The following MTMR2 variants were observed in gnomAD, a reference collection of about 807,000 sequenced individuals.
MTMR2 encodes myotubularin related protein 2, also known as phosphatidylinositol-3,5-bisphosphate 3-phosphatase MTMR2.
A neutral mutation model predicts 86.9 loss-of-function variants in MTMR2; 55 were observed. The ratio of observed to expected loss-of-function variants is 0.63; its 90% confidence interval spans 0.51 to 0.79. The LOEUF is 0.79. MTMR2 is among the 30% of genes least tolerant of loss of function. The pLI, the probability that MTMR2 is intolerant of heterozygous loss-of-function variation, is 0.00. For synonymous variants in MTMR2, 241 were observed against 266.8 expected (o/e 0.90, Z 0.94); for missense variants, 659 against 772.3 (o/e 0.85, Z 1.74).
intron 2 of MTMR2, among the ~76,000 whole-genome samples, chr11:95,877,353 T>C (rs2135520597): frequency 6.9e-6 from 1 of 144,492 alleles, no homozygotes; most frequent in Non-Finnish European, 1.5e-5. Flanking sequence ...TTTTTTTTTT[T>C]TTTTTTTTTT....
chr11:95,834,849 T>G lies in MTMR2; in HGVS notation c.*441A>C, dbSNP rs1590967208. ...AATGGAGAAAGGGATATCAAATGAT[T>G]TTGATCTGTCATGACATCAAGGCCC... is the stretch of plus-strand genomic sequence containing the variant. On this transcript the variant is annotated 3_prime_UTR_variant, in exon 15 of 15. Coordinates refer to ENST00000346299, the MANE Select transcript of MTMR2 (RefSeq NM_016156.6). The G allele has an allele frequency of 5.7e-6, 1 of 175,258 alleles. No homozygotes were observed. Among genetic ancestry groups the G allele is most frequent in the East Asian group, 1.4e-4 (1 of 7,074 alleles). 10.9% of individuals were successfully genotyped at this position (175,258 alleles called of 1,614,324 possible).
At position 95,847,711 on chromosome 11, in the gene MTMR2, C is replaced by T. The variant is rs754494874; in HGVS notation, c.1179+3G>A. 5.7e-6 allele frequency: 9 copies of T among 1,588,248 alleles called. No individual in the cohort carries two copies. Among genetic ancestry groups the T allele is most frequent in the Non-Finnish European group, 6.9e-6 (8 of 1,159,286 alleles). ...TGTTTGGGATATAGTAACACACACC[C>T]ACCTTAATATGTTCTAGCCAATGAG... On this transcript the variant is annotated splice_donor_region_variant and intron_variant, in intron 10 of 14. Coordinates refer to ENST00000346299, the MANE Select transcript of MTMR2 (RefSeq NM_016156.6).
At chr11:95,891,884 G>A (rs1377752718) in intron 1 of MTMR2, among the ~76,000 whole-genome samples, 1 of 152,082 alleles carries the variant, frequency 6.6e-6, no homozygotes, top group Non-Finnish European at 1.5e-5. Context: ...TAGAGGGAGA[G>A]AGGGAGACAG....
chr11:95,838,892 C>T (rs768954691), intron 12 of MTMR2, among the ~76,000 whole-genome samples: 1 of 151,942 alleles, frequency 6.6e-6, no homozygotes, highest in Non-Finnish European at 1.5e-5. Context: ...TGAAAAATTA[C>T]GAACCCCTGA....
rs116523276 is a variant in MTMR2 at position 95,884,985 on chromosome 11, C to T, written c.186+3171G>A. Among the ~76,000 whole-genome samples the T allele has an allele frequency of 7.7e-3, 1,169 of 152,104 alleles. 23 individuals carry two copies. The highest frequency in any genetic ancestry group is 0.027 in the African/African-American group (1,111 of 41,524). ...TAAAACCATCTTCTCCTTGATCTAA[C>T]AGCTATCTGCTTATTCAGCAAATAA... On this transcript the variant is annotated intron_variant, in intron 2 of 14. Coordinates refer to ENST00000346299, the MANE Select transcript of MTMR2 (RefSeq NM_016156.6).
At chr11:95,897,759 G>A (rs933391930) in intron 1 of MTMR2, among the ~76,000 whole-genome samples, 3 of 151,964 alleles carry the variant, frequency 2.0e-5, no homozygotes, top group African/African-American at 4.8e-5. Context: ...ATACATACAC[G>A]GTTGGTTCAG....
chr11:95,860,671 C>G (rs1018713616), intron 5 of MTMR2, among the ~76,000 whole-genome samples: 13 of 152,128 alleles, frequency 8.5e-5, no homozygotes, highest in Non-Finnish European at 1.5e-4. Flanking sequence ...TCTCAATGTG[C>G]ATGGGTGTTA....
chr11:95,907,940 A>C (rs1565385392), intron 1 of MTMR2: 1 of 413,534 alleles, frequency 2.4e-6, no homozygotes, highest in Non-Finnish European at 4.8e-6. Context: ...AAACAGAAAA[A>C]GACAAGAATG....
At chr11:95,895,225 A>G (rs931236672) in intron 1 of MTMR2, among the ~76,000 whole-genome samples, 13 of 151,994 alleles carry the variant, frequency 8.6e-5, no homozygotes, top group Non-Finnish European at 1.5e-4. Context: ...AAATGTATTA[A>G]GTTGAACCAT....
chr11:95,893,637 G>T (rs1174008285), intron 1 of MTMR2, among the ~76,000 whole-genome samples: 2 of 152,028 alleles, frequency 1.3e-5, no homozygotes, highest in Non-Finnish European at 2.9e-5. Flanking sequence ...TAGGACTTAC[G>T]ATTAGAAACA....
At chr11:95,863,018 C>T (rs1198809508) in intron 3 of MTMR2, among the ~76,000 whole-genome samples, 1 of 152,160 alleles carries the variant, frequency 6.6e-6, no homozygotes, top group Admixed American at 6.5e-5. Context: ...AATGGATCTA[C>T]ATGGCATTAT....
chr11:95,869,351 C>T (rs1187276976), intron 2 of MTMR2, among the ~76,000 whole-genome samples: 2 of 152,034 alleles, frequency 1.3e-5, no homozygotes, highest in East Asian at 1.9e-4. Flanking sequence ...AGCATCTGTA[C>T]TTATTATTCA....
intron 1 of MTMR2, chr11:95,912,883 T>C (rs1866562137): frequency 6.6e-6 from 1 of 152,106 alleles, no homozygotes; most frequent in South Asian, 2.1e-4. Flanking sequence ...AAACTGTTCA[T>C]AGTATAGCTT....
chr11:95,892,073 A>G (rs569953278), intron 1 of MTMR2, among the ~76,000 whole-genome samples: 3 of 152,300 alleles, frequency 2.0e-5, no homozygotes, highest in African/African-American at 7.2e-5. Context: ...GGCTCTGTGC[A>G]TGCTTGTAGT....
intron 2 of MTMR2, among the ~76,000 whole-genome samples, chr11:95,870,950 T>C (rs1489643133): frequency 2.0e-5 from 3 of 151,652 alleles, no homozygotes; most frequent in South Asian, 2.1e-4. Context: ...TGTGTTCTCA[T>C]TGTCCAATTC....
In MTMR2 at chr11:95,835,349, A is replaced by T; in HGVS notation, c.1873T>A (p.Ser625Thr). 6.2e-7 allele frequency: 1 copy of T among 1,613,204 alleles called. No homozygotes were observed. Among genetic ancestry groups the T allele is most frequent in the East Asian group, 2.2e-5 (1 of 44,868 alleles). ...GCAGGAGAGCTGGCTCTCTCTGAGG[A>T]TGAGGTTGATCGGTTAGAAATCTCT... ...QREISNRSTS[S>T]SERASSPAQC... Residue 625 changes from serine (S) to threonine (T), a missense_variant, in exon 15 of 15, where the codon TCC (serine) becomes ACC (threonine). Transcript: ENST00000346299.
intron 2 of MTMR2, among the ~76,000 whole-genome samples, chr11:95,870,723 C>CTTTTTTTTTTTT (rs1002042311): frequency 1.6e-5 from 2 of 124,010 alleles, no homozygotes; most frequent in African/African-American, 7.8e-5. Context: ...TTTTAAGGTT[C>CTTTTTTTTTTTT]TTTTTTTCTT....
intron 6 of MTMR2, among the ~76,000 whole-genome samples, chr11:95,858,306 T>C (rs1014084533): frequency 6.6e-6 from 1 of 152,138 alleles, no homozygotes; most frequent in African/African-American, 2.4e-5. Context: ...CATATAATCA[T>C]AAAATGTTAG....
At chr11:95,848,267 CTG>C (rs1170096270) in intron 9 of MTMR2, among the ~76,000 whole-genome samples, 2 of 152,168 alleles carry the variant, frequency 1.3e-5, no homozygotes. Flanking sequence ...AATTACCAGA[CTG>C]TAAGTTTCAT....
Sources: allele counts gnomAD v4.1 joint callset (sites outside exome capture counted in the v4.1 genomes callset), GRCh38; gene constraint gnomAD v4.1.1; transcripts MANE v1.5; gene names NCBI Gene and HGNC (gene_info 2026-07-23, HGNC 2026-07-21).